Variants in CCDC97 observed in about 807,000 individuals in gnomAD.
CCDC97 encodes the protein coiled-coil domain containing 97.
Under a neutral mutation model 33.9 loss-of-function variants are expected in CCDC97, and 27 were observed. The observed-to-expected ratio is 0.80, with a 90% CI of 0.59 to 1.10. The LOEUF (loss-of-function observed/expected upper bound fraction) is 1.10. CCDC97 is among the 50% of genes least tolerant of loss of function. The probability of loss-of-function intolerance (pLI) is 0.00; values close to 1 mark genes in which losing one functional copy is unlikely to be tolerated. For missense variants in CCDC97, 422 were observed against 476.6 expected (o/e 0.89, Z 1.07); for synonymous variants, 217 against 194.0 (o/e 1.12, Z -0.99).
In CCDC97 at chr19:41,312,145, A is replaced by T. The variant is rs188877890; in HGVS notation, c.46+1789A>T. Among the ~76,000 whole-genome samples, 9 of 152,084 alleles carry T rather than the reference A, an allele frequency of 5.9e-5. No homozygotes were observed. In the East Asian group the frequency reaches 1.7e-3, roughly 29 times the overall value. On this transcript the variant is annotated intron_variant, in intron 1 of 4. Coordinates refer to ENST00000269967, the MANE Select transcript of CCDC97 (RefSeq NM_052848.3). ...GTTGCCCAGGCTGGAGTGCAGTGGC[A>T]TGATCTCAGCTCACTGCAACCTCCA...
Position 41,310,271 on chromosome 19 carries a change from C to A in CCDC97, c.-40C>A, listed in dbSNP as rs776811953. ...CGTGCGTGGGCCGGAGGTTAGTGTG[C>A]GGGGCCCGCCGGGCGGTTGAAAAGT... On this transcript the variant is annotated 5_prime_UTR_variant, in exon 1 of 5. Coordinates refer to ENST00000269967, the MANE Select transcript of CCDC97 (RefSeq NM_052848.3). 6.4e-7 allele frequency: 1 copy of A among 1,573,848 alleles called. No individual in the cohort carries two copies. Among genetic ancestry groups the A allele is most frequent in the Non-Finnish European group, 8.6e-7 (1 of 1,159,804 alleles).
Position 41,310,200 on chromosome 19 carries a change from G to T in CCDC97, c.-111G>T. 6.9e-7 allele frequency: 1 copy of T among 1,453,114 alleles called. No individual in the cohort carries two copies. The highest frequency in any genetic ancestry group is 9.4e-7 in the Non-Finnish European group (1 of 1,062,674). The allele number at this position is 1,453,114 out of a possible 1,614,324, so 90.0% of individuals were successfully genotyped here. On this transcript the variant is annotated 5_prime_UTR_variant, in exon 1 of 5. Transcript: ENST00000269967. ...CCCGGAACTTCGGTGCCTGGGCGCA[G>T]CGGTGCACCCGGACCCGGAACATTC...
At chr19:41,322,546 C>A in intron 4 of CCDC97, 49 bp from the exon 5 acceptor site, 1 of 1,588,322 alleles carries the variant, frequency 6.3e-7, no homozygotes, top group Non-Finnish European at 8.6e-7. Context: ...ACCTGGGCAT[C>A]CGAGGGTCCC....
chr19:41,315,698 G>A (rs897115959), intron 1 of CCDC97, among the ~76,000 whole-genome samples: 5 of 151,964 alleles, frequency 3.3e-5, no homozygotes, highest in Non-Finnish European at 7.4e-5. Flanking sequence ...GCTGAGGTGG[G>A]AGGATTGCTT....
chr19:41,315,976 C>T (rs547120119), intron 1 of CCDC97, among the ~76,000 whole-genome samples: 37 of 151,930 alleles, frequency 2.4e-4, no homozygotes, highest in Non-Finnish European at 4.7e-4. Flanking sequence ...TGCCTGTGGT[C>T]CTAGCTACAC....
In CCDC97 at chr19:41,322,611, C is replaced by A. The variant is rs762493403; in HGVS notation, c.928C>A (p.Pro310Thr). 17 of 1,613,452 alleles carry A rather than the reference C, an allele frequency of 1.1e-5. No homozygotes were observed. Among genetic ancestry groups the A allele is most frequent in the Non-Finnish European group, 1.4e-5 (17 of 1,179,724 alleles). The stretch of plus-strand genomic sequence containing the variant: ...CTCCTGCAGCACAGTAGACGACAAC[C>A]CCGACTTCGACAACCTCGACATCGT... Reference protein sequence around the residue: ...DFDYSTVDDNPDFDNLDIVAR... With the variant: ...DFDYSTVDDNTDFDNLDIVAR... Residue 310 changes from proline (P) to threonine (T), a missense_variant, in exon 5 of 5, where the codon CCC becomes ACC. By Grantham distance (38) the Pro-to-Thr change is conservative (BLOSUM62 -1). Transcript: ENST00000269967.
Position 41,316,335 on chromosome 19 carries a change from C to A in CCDC97, c.47-49C>A, listed in dbSNP as rs1158961299. On this transcript the variant is annotated intron_variant, in intron 1 of 4. Transcript: ENST00000269967. ...CTGAGTGAGTGACTAAGCCCCCAGT[C>A]CCTTCCCACACTCCCATCTCTGAAC... 18 of 1,457,142 alleles carry A rather than the reference C, an allele frequency of 1.2e-5. No homozygotes were observed. The Admixed American group carries it at 3.1e-4, about 25-fold the overall frequency. 90.3% of individuals were successfully genotyped at this position (1,457,142 alleles called of 1,614,324 possible).
intron 1 of CCDC97, among the ~76,000 whole-genome samples, chr19:41,315,815 A>G (rs1007112799): frequency 8.6e-5 from 13 of 151,598 alleles, no homozygotes; most frequent in African/African-American, 2.9e-4. Context: ...AAAATAGGCC[A>G]GTCACAGTGG....
chr19:41,319,965 G>A (rs574344740), intron 3 of CCDC97, 113 bp downstream of exon 3: 19 of 621,468 alleles, frequency 3.1e-5, no homozygotes, highest in South Asian at 2.9e-4. Context: ...CCGACATTGC[G>A]TCCCTCCCCT....
chr19:41,310,401 G>T (rs1443552270), intron 1 of CCDC97, 45 bp downstream of exon 1: 18 of 1,575,346 alleles, frequency 1.1e-5, no homozygotes, highest in Non-Finnish European at 1.4e-5. Context: ...TGCGGTTGCG[G>T]TGTCTCTAGG....
chr19:41,322,876 C>G lies in CCDC97; in HGVS notation c.*161C>G. On this transcript the variant is annotated 3_prime_UTR_variant, in exon 5 of 5. Coordinates refer to ENST00000269967, the MANE Select transcript of CCDC97 (RefSeq NM_052848.3). ...GGGTCTAGTCTCATCTCAGACAACC[C>G]CCACCCCCACTGTTTCTGGGGTTCC... The G allele has an allele frequency of 1.5e-6, 1 of 681,650 alleles. No individual in the cohort carries two copies. The highest frequency in any genetic ancestry group is 2.2e-5 in the South Asian group (1 of 44,758). 42.2% of individuals were successfully genotyped at this position (681,650 alleles called of 1,614,324 possible). A position where few individuals can be genotyped will look rare whatever the true frequency, so the allele number is the denominator to read the frequency against.
rs550561402 is a variant in CCDC97, at chr19:41,320,321, C to T, written c.782-20C>T. 6.2e-7 allele frequency: 1 copy of T among 1,613,150 alleles called. No individual in the cohort carries two copies. Among genetic ancestry groups the T allele is most frequent in the Non-Finnish European group, 8.5e-7 (1 of 1,179,892 alleles). ...CCCGAGTGCACCCGCATTCACACCC[C>T]CTCTCCTCTCCCTCTGCAGACCAGA... On this transcript the variant is annotated intron_variant, in intron 3 of 4. Transcript: ENST00000269967.
In CCDC97 at chr19:41,310,208, C is replaced by T. The variant is rs1439170125; in HGVS notation, c.-103C>T. 5 of 1,501,186 alleles carry T rather than the reference C, an allele frequency of 3.3e-6. No homozygotes were observed. Among genetic ancestry groups the T allele is most frequent in the South Asian group, 2.4e-5 (2 of 82,712 alleles). 93.0% of individuals were successfully genotyped at this position (1,501,186 alleles called of 1,614,324 possible). A position where few individuals can be genotyped will look rare whatever the true frequency, so the allele number is the denominator to read the frequency against. ...TTCGGTGCCTGGGCGCAGCGGTGCA[C>T]CCGGACCCGGAACATTCTCAGGCGA... On this transcript the variant is annotated 5_prime_UTR_variant, in exon 1 of 5. Coordinates refer to ENST00000269967, the MANE Select transcript of CCDC97 (RefSeq NM_052848.3).
intron 1 of CCDC97, among the ~76,000 whole-genome samples, chr19:41,312,837 G>C (rs1465221225): frequency 6.6e-6 from 1 of 152,052 alleles, no homozygotes; most frequent in Non-Finnish European, 1.5e-5. Context: ...CCAGGCTGGA[G>C]TACGTGATCT....
intron 2 of CCDC97, among the ~76,000 whole-genome samples, chr19:41,317,992 CA>C (rs764111028): frequency 0.061 from 3,753 of 61,854 alleles, 49 homozygotes; most frequent in Non-Finnish European, 0.086. Context: ...TGGAGGTTGC[CA>C]AAAAAAAAAA....
chr19:41,310,927 G>T, intron 1 of CCDC97: 1 of 964,992 alleles, frequency 1.0e-6, no homozygotes, highest in Non-Finnish European at 1.2e-6. Flanking sequence ...TCCGACGTCG[G>T]GTGAGGTGTG....
At chr19:41,315,218 G>C (rs1321042163) in intron 1 of CCDC97, among the ~76,000 whole-genome samples, 2 of 145,096 alleles carry the variant, frequency 1.4e-5, no homozygotes, top group Non-Finnish European at 3.0e-5. Flanking sequence ...AGAATTGCTT[G>C]AACCTGAGGC....
intron 2 of CCDC97, 63 bp from the exon 3 acceptor site, chr19:41,319,511 C>G (rs2037790795): frequency 8.5e-7 from 1 of 1,183,324 alleles, no homozygotes; most frequent in Non-Finnish European, 1.2e-6. Context: ...CACACACATA[C>G]CCACATGGAC....
intron 1 of CCDC97, among the ~76,000 whole-genome samples, chr19:41,314,717 T>G (rs889346979): frequency 1.3e-5 from 2 of 152,168 alleles, no homozygotes; most frequent in African/African-American, 4.8e-5. Context: ...AATTGCAGCC[T>G]TGGCCAGGCA....
Sources: allele counts gnomAD v4.1 joint callset (sites outside exome capture counted in the v4.1 genomes callset), GRCh38; gene constraint gnomAD v4.1.1; transcripts MANE v1.5; gene names NCBI Gene and HGNC (gene_info 2026-07-23, HGNC 2026-07-21).